Variants in CACNA2D1 observed in about 807,000 individuals in gnomAD.
CACNA2D1 encodes the protein voltage-dependent calcium channel subunit alpha-2/delta-1.
A neutral mutation model predicts 171.5 loss-of-function variants in CACNA2D1; 53 were observed. That is an observed-to-expected ratio of 0.31 (90% CI 0.25 to 0.39). The LOEUF (loss-of-function observed/expected upper bound fraction) is 0.39. Among genes scored for constraint, CACNA2D1 ranks in the 10% least tolerant of loss-of-function variants. The pLI, the probability that CACNA2D1 is intolerant of heterozygous loss-of-function variation, is 1.00. For synonymous variants in CACNA2D1, 442 were observed against 443.1 expected, an observed-to-expected ratio of 1.00 and a Z score of 0.03; for missense variants, 903 against 1,299.8, an observed-to-expected ratio of 0.69 and a Z score of 4.69.
At chr7:81,951,976 T>TTTTTTTTGTTTGTTTTTTG (rs1792620020) in intron 38 of CACNA2D1, among the ~76,000 whole-genome samples, 4 of 148,094 alleles carry the variant, frequency 2.7e-5, no homozygotes, top group African/African-American at 1.0e-4. Flanking sequence ...AGTGTTTTTT[T>TTTTTTTTGTTTGTTTTTTG]TTTTTTTTTT....
rs146970703 is a variant in CACNA2D1, at chr7:82,092,880, A to T, written c.527-7980T>A. Reference sequence around the variant, plus strand: ...TTTAGACCTTAAAAAGAGAAATAAAATGTGTGCGTTTAAAAAAACATCAGA... The same window carrying T: ...TTTAGACCTTAAAAAGAGAAATAAATTGTGTGCGTTTAAAAAAACATCAGA... On this transcript the variant is annotated intron_variant, in intron 6 of 38. Transcript: ENST00000356860. 2.7e-4 allele frequency among the ~76,000 whole-genome samples: 41 copies of T among 152,272 alleles called. 2 individuals are homozygous for T. The East Asian group carries it at 7.9e-3, about 29-fold the overall frequency.
At chr7:82,384,232 G>T (rs532418254) in intron 1 of CACNA2D1, among the ~76,000 whole-genome samples, 22 of 152,144 alleles carry the variant, frequency 1.4e-4, no homozygotes, top group Non-Finnish European at 3.1e-4. Context: ...TGTGTATGTT[G>T]AAACCCTAAA....
At chr7:82,435,148 G>A (rs955371351) in intron 1 of CACNA2D1, among the ~76,000 whole-genome samples, 3 of 146,704 alleles carry the variant, frequency 2.0e-5, no homozygotes, top group Admixed American at 7.1e-5. Context: ...TGATTCCCCT[G>A]CCTCAGCCTC....
chr7:82,163,157 T>C (rs1353872185), intron 4 of CACNA2D1, among the ~76,000 whole-genome samples: 4 of 152,058 alleles, frequency 2.6e-5, no homozygotes, highest in Non-Finnish European at 5.9e-5. Context: ...TGACAATAAA[T>C]GGAAATATAT....
intron 6 of CACNA2D1, among the ~76,000 whole-genome samples, chr7:82,105,373 G>A (rs1466577475): frequency 7.3e-6 from 1 of 137,086 alleles, no homozygotes; most frequent in African/African-American, 2.7e-5. Context: ...ATATATCCTA[G>A]AAAATTAATC....
chr7:82,137,855 G>A (rs1038874752), intron 4 of CACNA2D1, among the ~76,000 whole-genome samples: 10 of 145,444 alleles, frequency 6.9e-5, no homozygotes, highest in Non-Finnish European at 1.4e-4. Flanking sequence ...GCGAGACTCC[G>A]CCTCAAAAAA....
At chr7:81,960,562 A>T (rs942267950) in intron 36 of CACNA2D1, among the ~76,000 whole-genome samples, 1 of 152,054 alleles carries the variant, frequency 6.6e-6, no homozygotes, top group African/African-American at 2.4e-5. Flanking sequence ...TAAATATATC[A>T]CTAAAAAAGT....
chr7:82,051,588 C>G (rs1805204527), intron 10 of CACNA2D1, among the ~76,000 whole-genome samples: 1 of 152,058 alleles, frequency 6.6e-6, no homozygotes, highest in Admixed American at 6.6e-5. Flanking sequence ...GCATCTAATT[C>G]TTTAGTAAGA....
At chr7:82,286,904 C>T (rs1810858907) in intron 3 of CACNA2D1, among the ~76,000 whole-genome samples, 2 of 152,064 alleles carry the variant, frequency 1.3e-5, no homozygotes, top group African/African-American at 4.8e-5. Context: ...ACACATTTAA[C>T]TTATCTATAG....
chr7:82,142,704 T>C (rs1792539971), intron 4 of CACNA2D1, among the ~76,000 whole-genome samples: 1 of 152,212 alleles, frequency 6.6e-6, no homozygotes, highest in Non-Finnish European at 1.5e-5. Context: ...TGGGCAACTG[T>C]ACTGTCTGAT....
At chr7:82,070,227 C>A (rs1365008245) in intron 7 of CACNA2D1, among the ~76,000 whole-genome samples, 1 of 152,192 alleles carries the variant, frequency 6.6e-6, no homozygotes, top group East Asian at 1.9e-4. Flanking sequence ...GTGGATTATA[C>A]CCACACAAAG....
intron 1 of CACNA2D1, among the ~76,000 whole-genome samples, chr7:82,390,031 G>T (rs1402533007): frequency 6.6e-6 from 1 of 152,142 alleles, no homozygotes; most frequent in Non-Finnish European, 1.5e-5. Context: ...GGTCTTCAGG[G>T]AATAGGACAG....
intron 24 of CACNA2D1, among the ~76,000 whole-genome samples, chr7:81,975,471 T>A (rs1208551944): frequency 2.0e-5 from 3 of 152,196 alleles, no homozygotes; most frequent in Non-Finnish European, 2.9e-5. Context: ...AAATTTGTCC[T>A]CACAGAGACG....
chr7:82,439,410 T>C (rs1288492247), intron 1 of CACNA2D1, among the ~76,000 whole-genome samples: 1 of 151,938 alleles, frequency 6.6e-6, no homozygotes, highest in East Asian at 1.9e-4. Flanking sequence ...ACACAGTCAG[T>C]TTGTTGTGAA....
intron 3 of CACNA2D1, among the ~76,000 whole-genome samples, chr7:82,255,520 A>G (rs1279904298): frequency 6.6e-6 from 1 of 152,224 alleles, no homozygotes; most frequent in Non-Finnish European, 1.5e-5. Context: ...ATTATTTACA[A>G]GAAAATTCAT....
At chr7:82,379,955 T>C (rs1011268299) in intron 1 of CACNA2D1, among the ~76,000 whole-genome samples, 1 of 152,182 alleles carries the variant, frequency 6.6e-6, no homozygotes, top group African/African-American at 2.4e-5. Flanking sequence ...GGACTATCCA[T>C]AGGCTTTAGG....
chr7:82,388,688 C>T (rs1585765388), intron 1 of CACNA2D1, among the ~76,000 whole-genome samples: 2 of 152,326 alleles, frequency 1.3e-5, no homozygotes, highest in Middle Eastern at 6.8e-3. Context: ...GTACAGTGTG[C>T]ACCTTCTGCA....
At chr7:82,149,796 A>AAAAAAAAAAAAAAAAAGAAAAG (rs1793595825) in intron 4 of CACNA2D1, among the ~76,000 whole-genome samples, 1 of 136,772 alleles carries the variant, frequency 7.3e-6, no homozygotes, top group Admixed American at 7.4e-5. Flanking sequence ...ACAAACAACA[A>AAAAAAAAAAAAAAAAAGAAAAG]AAAAAAAAAC....
chr7:82,331,570 T>C (rs190726781), intron 3 of CACNA2D1, among the ~76,000 whole-genome samples: 173 of 152,332 alleles, frequency 1.1e-3, no homozygotes, highest in Middle Eastern at 6.8e-3. Flanking sequence ...GAAATAAAAT[T>C]GAACTATTCT....
Sources: gnomAD v4.1 joint callset for allele counts (sites outside exome capture counted in the v4.1 genomes callset) on GRCh38, gnomAD v4.1.1 for gene constraint, MANE v1.5 for transcripts, NCBI Gene and HGNC (gene_info 2026-07-23, HGNC 2026-07-21) for gene names.